Variants in DOCK1 observed in about 807,000 individuals in gnomAD.
DOCK1 encodes the protein dedicator of cytokinesis protein 1.
A neutral mutation model predicts 262.7 loss-of-function variants in DOCK1; 138 were observed. The ratio of observed to expected loss-of-function variants is 0.53; its 90% CI spans 0.46 to 0.61. The LOEUF is 0.61. Among genes scored for constraint, DOCK1 ranks in the 20% least tolerant of loss-of-function variants. The pLI is 0.00. For missense variants in DOCK1, 1,908 were observed against 2,370.7 expected (o/e 0.80, Z 4.05); for synonymous variants, 866 against 867.4 (o/e 1.00, Z 0.03).
At chr10:127,362,610 T>A (rs1256774017) in intron 33 of DOCK1, among the ~76,000 whole-genome samples, 1 of 152,194 alleles carries the variant, frequency 6.6e-6, no homozygotes, top group African/African-American at 2.4e-5. Context: ...AGTCTTTGCT[T>A]TTATTCTCTT....
intron 22 of DOCK1, among the ~76,000 whole-genome samples, chr10:127,053,928 CA>C (rs1393819439): frequency 2.0e-5 from 3 of 152,150 alleles, no homozygotes; most frequent in Non-Finnish European, 4.4e-5. Context: ...TGAGTGATGT[CA>C]ATGGATGTTG....
intron 40 of DOCK1, 114 bp downstream of exon 40, chr10:127,404,543 T>G: frequency 2.2e-6 from 2 of 922,780 alleles, no homozygotes; most frequent in Non-Finnish European, 1.7e-6. Flanking sequence ...TGCAACTCTC[T>G]ACACTGCCAT....
intron 29 of DOCK1, among the ~76,000 whole-genome samples, chr10:127,279,654 T>G (rs971841471): frequency 6.6e-6 from 1 of 152,164 alleles, no homozygotes; most frequent in Non-Finnish European, 1.5e-5. Flanking sequence ...CCTCACCTTT[T>G]CACAACGCAC....
intron 5 of DOCK1, 138 bp from the exon 6 acceptor site, chr10:126,990,317 C>T: frequency 1.1e-6 from 1 of 877,044 alleles, no homozygotes. Context: ...GCTGAAAGCA[C>T]CTTTTAATTC....
intron 27 of DOCK1, among the ~76,000 whole-genome samples, chr10:127,187,740 A>AAGAAAGAG (rs149634916): frequency 2.0e-5 from 3 of 150,716 alleles, no homozygotes; most frequent in African/African-American, 4.9e-5. Context: ...GAAAGAAAGA[A>AAGAAAGAG]AGAAAGAGAG....
intron 29 of DOCK1, among the ~76,000 whole-genome samples, chr10:127,262,600 T>A (rs1327739777): frequency 6.6e-6 from 1 of 152,182 alleles, no homozygotes; most frequent in Admixed American, 6.5e-5. Context: ...TGCCTTCATG[T>A]GGTAAGATAC....
intron 27 of DOCK1, among the ~76,000 whole-genome samples, chr10:127,211,059 G>A (rs189286372): frequency 1.3e-5 from 2 of 152,032 alleles, no homozygotes; most frequent in East Asian, 1.9e-4. Flanking sequence ...TGTACGTTAC[G>A]GTACTGTTAA....
chr10:127,423,482 T>C (rs1402582627), intron 46 of DOCK1, among the ~76,000 whole-genome samples: 1 of 152,182 alleles, frequency 6.6e-6, no homozygotes, highest in Non-Finnish European at 1.5e-5. Flanking sequence ...GTGTGGTGCC[T>C]CTTGTAGGTT....
chr10:127,158,425 A>G (rs906235128), intron 27 of DOCK1, among the ~76,000 whole-genome samples: 1 of 152,214 alleles, frequency 6.6e-6, no homozygotes, highest in African/African-American at 2.4e-5. Flanking sequence ...ATCACAAATT[A>G]TAAATTTTCT....
chr10:126,975,265 TC>T (rs1022984103), intron 2 of DOCK1, among the ~76,000 whole-genome samples: 1 of 152,200 alleles, frequency 6.6e-6, no homozygotes, highest in African/African-American at 2.4e-5. Context: ...ACTTAGGTTG[TC>T]CCCGCTTCCC....
chr10:127,366,121 T>A (rs2133974990), intron 33 of DOCK1, among the ~76,000 whole-genome samples: 1 of 152,144 alleles, frequency 6.6e-6, no homozygotes, highest in East Asian at 1.9e-4. Context: ...CTGAGCGTGG[T>A]CAGCTACCTG....
intron 18 of DOCK1, among the ~76,000 whole-genome samples, chr10:127,034,314 G>C (rs1046520095): frequency 3.3e-5 from 5 of 152,172 alleles, no homozygotes; most frequent in East Asian, 1.9e-4. Flanking sequence ...GAAAGAGAGA[G>C]AGAGAGCTTG....
At chr10:127,264,663 G>A (rs1444059301) in intron 29 of DOCK1, among the ~76,000 whole-genome samples, 1 of 151,916 alleles carries the variant, frequency 6.6e-6, no homozygotes, top group African/African-American at 2.4e-5. Context: ...TTACAATGTA[G>A]ATTTTTTTTT....
Position 126,905,448 on chromosome 10 carries a change from C to T in DOCK1, c.-70C>T. On this transcript the variant is annotated 5_prime_UTR_variant, in exon 1 of 52. Coordinates refer to ENST00000623213, the MANE Select transcript of DOCK1 (RefSeq NM_001290223.2). Reference sequence around the variant, plus strand: ...TTTTCCTCCCCATCCTGTCGCGGCTCGAAAGGAATGGAAAATGGCGGCCTA... The same window carrying T: ...TTTTCCTCCCCATCCTGTCGCGGCTTGAAAGGAATGGAAAATGGCGGCCTA... The T allele has an allele frequency of 2.1e-6, 1 of 469,050 alleles. No individual in the cohort carries two copies. The highest frequency in any genetic ancestry group is 3.8e-5 in the Admixed American group (1 of 26,078). The allele number at this position is 469,050 out of a possible 1,614,324, so 29.1% of individuals were successfully genotyped here.
chr10:127,121,226 C>CTTT (rs35938133), intron 25 of DOCK1, among the ~76,000 whole-genome samples: 24 of 136,144 alleles, frequency 1.8e-4, no homozygotes, highest in African/African-American at 4.8e-4. Context: ...ACCCCTCCTC[C>CTTT]TTTTTTTTTT....
intron 27 of DOCK1, among the ~76,000 whole-genome samples, chr10:127,152,968 G>A (rs2133499591): frequency 6.6e-6 from 1 of 152,302 alleles, no homozygotes; most frequent in South Asian, 2.1e-4. Context: ...GTTGAAGATT[G>A]TGTAGCCTCA....
intron 38 of DOCK1, among the ~76,000 whole-genome samples, chr10:127,392,759 G>T (rs542341884): frequency 6.6e-6 from 1 of 152,000 alleles, no homozygotes; most frequent in Non-Finnish European, 1.5e-5. Flanking sequence ...CCCCAGCGCC[G>T]GGTCGGGGGC....
chr10:127,112,981 A>G (rs1174483572), intron 25 of DOCK1, among the ~76,000 whole-genome samples: 1 of 152,208 alleles, frequency 6.6e-6, no homozygotes, highest in East Asian at 1.9e-4. Context: ...CCTCCTGGTC[A>G]GGAGAGATTT....
In DOCK1 at chr10:126,957,502, C is replaced by T. The variant is rs977995938; in HGVS notation, c.47-13200C>T. Among the ~76,000 whole-genome samples the T allele has an allele frequency of 1.0e-2, 1,517 of 152,118 alleles. 21 individuals carry two copies. The highest frequency in any genetic ancestry group is 0.035 in the African/African-American group (1,434 of 41,496). On this transcript the variant is annotated intron_variant, in intron 1 of 51. Coordinates refer to ENST00000623213, the MANE Select transcript of DOCK1 (RefSeq NM_001290223.2). ...TATTTATCTTCGTTTTTATTTTTTTCAGAGCCAGAGTATCACTCTGTCACC... is the reference window on the plus strand; with the variant it reads ...TATTTATCTTCGTTTTTATTTTTTTTAGAGCCAGAGTATCACTCTGTCACC...
Sources: allele counts gnomAD v4.1 joint callset (sites outside exome capture counted in the v4.1 genomes callset), GRCh38; gene constraint gnomAD v4.1.1; transcripts MANE v1.5; gene names NCBI Gene and HGNC (gene_info 2026-07-23, HGNC 2026-07-21).